The following MLLT3 variants were observed in gnomAD, a reference collection of about 807,000 sequenced individuals.
MLLT3 encodes the protein MLLT3 super elongation complex subunit.
In MLLT3, 4 loss-of-function variants were observed where a neutral mutation model predicts 53.2. The observed-to-expected ratio is 0.08, with a 90% confidence interval of 0.04 to 0.17. The LOEUF (loss-of-function observed/expected upper bound fraction) is 0.17, where lower values mean the gene tolerates loss of function less well. MLLT3 is among the 10% of genes least tolerant of loss of function. The pLI, the probability that MLLT3 is intolerant of heterozygous loss-of-function variation, is 1.00. For synonymous variants in MLLT3, 283 were observed against 230.6 expected, an observed-to-expected ratio of 1.23 and a Z score of -2.06; for missense variants, 569 against 684.0, an observed-to-expected ratio of 0.83 and a Z score of 1.87.
At chr9:20,502,093 AGG>A (rs66552889) in intron 2 of MLLT3, among the ~76,000 whole-genome samples, 2,062 of 88,878 alleles carry the variant, frequency 0.023, 35 homozygotes, top group African/African-American at 0.03. Context: ...AAAAAAAAAA[AGG>A]GGGGGGGGGG....
intron 4 of MLLT3, among the ~76,000 whole-genome samples, chr9:20,420,380 AAAAAAGTTTAAAAT>A (rs1481899605): frequency 6.6e-6 from 1 of 152,148 alleles, no homozygotes; most frequent in East Asian, 1.9e-4. Flanking sequence ...CAATTGATTG[AAAAAAGTTTAAAAT>A]AATGGAATGG....
rs1215709417 is a variant in MLLT3 at position 20,377,861 on chromosome 9, C to T, written c.1126-12117G>A. On this transcript the variant is annotated intron_variant, in intron 5 of 10. Coordinates refer to ENST00000380338, the MANE Select transcript of MLLT3 (RefSeq NM_004529.4). ...TGTTGACTTAAGACTACCTCATCTT[C>T]ACCAGGTCAAAAATGCAACATTTTC... 2.0e-5 allele frequency among the ~76,000 whole-genome samples: 3 copies of T among 152,076 alleles called. No individual in the cohort carries two copies. The East Asian group carries it at 5.8e-4, about 29-fold the overall frequency.
intron 2 of MLLT3, among the ~76,000 whole-genome samples, chr9:20,593,753 C>G (rs1297236970): frequency 1.3e-5 from 2 of 152,148 alleles, no homozygotes; most frequent in East Asian, 3.8e-4. Context: ...TATTTTAATT[C>G]TGGGCACGTA....
At chr9:20,587,156 A>G (rs1187467651) in intron 2 of MLLT3, among the ~76,000 whole-genome samples, 2 of 150,766 alleles carry the variant, frequency 1.3e-5, no homozygotes, top group Non-Finnish European at 3.0e-5. Context: ...TAATTTTTGC[A>G]TATTTCCAAC....
At chr9:20,362,158 C>T (rs1000695816) in intron 7 of MLLT3, among the ~76,000 whole-genome samples, 3 of 152,128 alleles carry the variant, frequency 2.0e-5, no homozygotes, top group South Asian at 2.1e-4. Context: ...TAACACAGCA[C>T]GGTCAGGCAG....
Position 20,342,934 on chromosome 9 carries a change from TC to T in MLLT3, c.*3508del. 2 of 188,416 alleles carry T rather than the reference TC, an allele frequency of 1.1e-5. No individual in the cohort carries two copies. Among genetic ancestry groups the T allele is most frequent in the Non-Finnish European group, 2.2e-5 (2 of 90,580 alleles). The allele number at this position is 188,416 out of a possible 1,614,324, so 11.7% of individuals were successfully genotyped here. On this transcript the variant is annotated 3_prime_UTR_variant, in exon 11 of 11. Transcript: ENST00000380338. The stretch of plus-strand genomic sequence containing the variant: ...AAGTAATAAGCATACAGCAAATTAC[TC>T]CAGAGCAGATCACTTCTACAGTGAC...
intron 2 of MLLT3, among the ~76,000 whole-genome samples, chr9:20,554,962 A>G (rs1295103964): frequency 6.6e-6 from 1 of 152,254 alleles, no homozygotes; most frequent in Non-Finnish European, 1.5e-5. Context: ...AGAGAATTTA[A>G]GTCTGTAAGA....
chr9:20,491,626 G>GT (rs1448768998), intron 2 of MLLT3, among the ~76,000 whole-genome samples: 1 of 152,106 alleles, frequency 6.6e-6, no homozygotes, highest in African/African-American at 2.4e-5. Context: ...TTGAGTTTCT[G>GT]TTAAGAGAGA....
chr9:20,582,704 G>C (rs992301886), intron 2 of MLLT3, among the ~76,000 whole-genome samples: 1 of 152,162 alleles, frequency 6.6e-6, no homozygotes, highest in Non-Finnish European at 1.5e-5. Context: ...AGAAAAATGA[G>C]GAAGAAGCAA....
At chr9:20,364,158 C>T (rs1283107532) in intron 6 of MLLT3, among the ~76,000 whole-genome samples, 2 of 152,164 alleles carry the variant, frequency 1.3e-5, no homozygotes, top group Non-Finnish European at 2.9e-5. Flanking sequence ...TGATCTTGGA[C>T]ACAAGGTCTT....
chr9:20,600,800 T>C (rs1820401761), intron 2 of MLLT3, among the ~76,000 whole-genome samples: 2 of 152,192 alleles, frequency 1.3e-5, no homozygotes, highest in Non-Finnish European at 1.5e-5. Context: ...GCCATAACTA[T>C]AGAGCCTTCC....
chr9:20,459,567 T>C (rs1824058608), intron 2 of MLLT3, among the ~76,000 whole-genome samples: 1 of 152,200 alleles, frequency 6.6e-6, no homozygotes, highest in Non-Finnish European at 1.5e-5. Flanking sequence ...GGAAGGTAGT[T>C]TATTTTGTGG....
rs1327976412 is a variant in MLLT3, at chr9:20,343,006, C to T, written c.*3437G>A. ...AAACAGACACTGACTGTTTCCAACA[C>T]TGGACATCCAACTCCATTAAGTAGG... is the stretch of plus-strand genomic sequence containing the variant. On this transcript the variant is annotated 3_prime_UTR_variant, in exon 11 of 11. Transcript: ENST00000380338. The T allele has an allele frequency of 1.2e-4, 22 of 190,584 alleles. No individual in the cohort carries two copies. In the East Asian group the frequency reaches 1.8e-3, roughly 16 times the overall value. The allele number at this position is 190,584 out of a possible 1,614,324, so 11.8% of individuals were successfully genotyped here. A position where few individuals can be genotyped will look rare whatever the true frequency, so the allele number is the denominator to read the frequency against.
rs528614933 is a variant in MLLT3, at chr9:20,394,649, G to A, written c.1125+19072C>T. ...AACTAGTTGTAACTTCCACCACAGA[G>A]ATATCACCTTTTCTGGGGGTTACCT... is the stretch of plus-strand genomic sequence containing the variant. On this transcript the variant is annotated intron_variant, in intron 5 of 10. Coordinates refer to ENST00000380338, the MANE Select transcript of MLLT3 (RefSeq NM_004529.4). Among the ~76,000 whole-genome samples the A allele has an allele frequency of 2.0e-5, 3 of 152,210 alleles. No individual in the cohort carries two copies. The South Asian group carries it at 6.2e-4, about 32-fold the overall frequency.
chr9:20,593,820 A>G lies in MLLT3; in HGVS notation c.193+26834T>C, dbSNP rs1820185556. 2.0e-5 allele frequency among the ~76,000 whole-genome samples: 3 copies of G among 152,212 alleles called. No homozygotes were observed. In the South Asian group the frequency reaches 6.2e-4, roughly 32 times the overall value. On this transcript the variant is annotated intron_variant, in intron 2 of 10. Coordinates refer to ENST00000380338, the MANE Select transcript of MLLT3 (RefSeq NM_004529.4). ...CTTGGTTCCAACAATTGCATAATTC[A>G]TAGAAAGCCTTCTTATTATTTTACT...
Position 20,416,184 on chromosome 9 carries a change from A to G in MLLT3, c.421-1759T>C, listed in dbSNP as rs546561993. ...GTATAATGGACAAACCAAATTAAGG[A>G]ACAACATTTTGAAATCTAATATCCT... is the stretch of plus-strand genomic sequence containing the variant. On this transcript the variant is annotated intron_variant, in intron 4 of 10. Coordinates refer to ENST00000380338, the MANE Select transcript of MLLT3 (RefSeq NM_004529.4). 9.2e-5 allele frequency among the ~76,000 whole-genome samples: 14 copies of G among 152,160 alleles called. No individual in the cohort carries two copies. The South Asian group carries it at 2.9e-3, about 32-fold the overall frequency.
intron 2 of MLLT3, chr9:20,533,007 G>A: frequency 3.9e-6 from 1 of 256,822 alleles, no homozygotes; most frequent in Non-Finnish European, 7.5e-6. Flanking sequence ...GAACAAAAAG[G>A]CTCAGCTGGT....
At chr9:20,505,299 A>T (rs1022060364) in intron 2 of MLLT3, among the ~76,000 whole-genome samples, 1 of 152,246 alleles carries the variant, frequency 6.6e-6, no homozygotes, top group Non-Finnish European at 1.5e-5. Context: ...TGGCATACTA[A>T]GTGACAGAAT....
In MLLT3 at chr9:20,620,321, C is replaced by G. The variant is rs1478172458; in HGVS notation, c.193+333G>C. 6.6e-6 allele frequency among the ~76,000 whole-genome samples: 1 copy of G among 151,542 alleles called. No individual in the cohort carries two copies. The highest frequency in any genetic ancestry group is 1.5e-5 in the Non-Finnish European group (1 of 67,866). On this transcript the variant is annotated intron_variant, in intron 2 of 10. Coordinates refer to ENST00000380338, the MANE Select transcript of MLLT3 (RefSeq NM_004529.4). This position sits in a 1 kb window ranked among gnomAD's most constrained non-coding sequence, Gnocchi z 6.1. Reference sequence around the variant, plus strand: ...CGCAAAGTGTTTATTCCCTCCAGCCCGATTCCCCACATCTCCAAACTCAAC... The same window carrying G: ...CGCAAAGTGTTTATTCCCTCCAGCCGGATTCCCCACATCTCCAAACTCAAC...
Sources: allele counts gnomAD v4.1 joint callset (sites outside exome capture counted in the v4.1 genomes callset), GRCh38; gene constraint gnomAD v4.1.1; non-coding constraint Gnocchi (gnomAD v3.1); transcripts MANE v1.5; gene names NCBI Gene and HGNC (gene_info 2026-07-23, HGNC 2026-07-21).